The following NOP2 variants were observed in gnomAD, a reference collection of about 807,000 sequenced individuals.
NOP2 encodes NOP2 nucleolar protein, also known as 28S rRNA (cytosine(4447)-C(5))-methyltransferase.
A neutral mutation model predicts 72.7 loss-of-function variants in NOP2; 7 were observed. The ratio of observed to expected loss-of-function variants is 0.10; its 90% CI spans 0.05 to 0.18. The LOEUF is 0.18. NOP2 is among the 10% of genes least tolerant of loss of function. NOP2 has a pLI of 1.00. For missense variants in NOP2, 954 were observed against 1,014.7 expected (o/e 0.94, Z 0.81); for synonymous variants, 387 against 388.0 (o/e 1.00, Z 0.03).
chr12:6,563,935 A>T lies in NOP2; in HGVS notation c.486T>A (p.Ile162=). 6.2e-7 allele frequency: 1 copy of T among 1,613,442 alleles called. No homozygotes were observed. Among genetic ancestry groups the T allele is most frequent in the Non-Finnish European group, 8.5e-7 (1 of 1,179,654 alleles). Residue 162 remains isoleucine, a synonymous_variant, in exon 6 of 16, where the codon ATT becomes ATA. Transcript: ENST00000322166. ...DEEEGEALLP[I]ERAARKQKAR... ...CCTTCTGCTTCCGAGCAGCTCTTTC[A>T]ATGGGCAGCAACTGAAGAGAGACAA...
Position 6,566,526 on chromosome 12 carries a change from G to C in NOP2, c.238+3C>G. 2 of 1,613,698 alleles carry C rather than the reference G, an allele frequency of 1.2e-6. No individual in the cohort carries two copies. The highest frequency in any genetic ancestry group is 4.5e-5 in the East Asian group (2 of 44,892). On this transcript the variant is annotated splice_donor_region_variant and intron_variant, in intron 4 of 15. Coordinates refer to ENST00000322166, the MANE Select transcript of NOP2 (RefSeq NM_001258308.2). The stretch of plus-strand genomic sequence containing the variant: ...GTAGCATCCAGCTCTTAGTTTCACG[G>C]ACCTTTTGGTAGCTTTCCAGGCAAT...
At position 6,563,723 on chromosome 12, in the gene NOP2, T is replaced by C; in HGVS notation, c.579A>G (p.Glu193=). 6.2e-7 allele frequency: 1 copy of C among 1,613,502 alleles called. No individual in the cohort carries two copies. ...EETEDEEEEK[E]VTPESGPPKV... The stretch of plus-strand genomic sequence containing the variant: ...TTGGGGGGCCTGACTCAGGGGTCAC[T>C]TCTTTCTCTTCCTCCTCGTCCTCGG... Residue 193 remains glutamate (E), a synonymous_variant, in exon 7 of 16, where the codon GAA becomes GAG. Coordinates refer to ENST00000322166, the MANE Select transcript of NOP2 (RefSeq NM_001258308.2).
Position 6,563,189 on chromosome 12 carries a change from G to A in NOP2, c.889-19C>T. 6.4e-7 allele frequency: 1 copy of A among 1,571,890 alleles called. No individual in the cohort carries two copies. Among genetic ancestry groups the A allele is most frequent in the Non-Finnish European group, 8.6e-7 (1 of 1,158,650 alleles). Reference sequence around the variant, plus strand: ...CCACCAGCTGCGGGGCAAGACAGCAGGGAATAAGTGAGGCTGGCTAAGGAG... The same window carrying A: ...CCACCAGCTGCGGGGCAAGACAGCAAGGAATAAGTGAGGCTGGCTAAGGAG... On this transcript the variant is annotated intron_variant, in intron 8 of 15. Transcript: ENST00000322166.
chr12:6,558,272 G>GT (rs574205837), intron 15 of NOP2: 4,888 of 245,258 alleles, frequency 0.02, 2 homozygotes, highest in South Asian at 0.052. Context: ...GGGTTTTGGG[G>GT]TTTTTTTTTT....
chr12:6,565,943 T>G (rs1179441782), intron 5 of NOP2, among the ~76,000 whole-genome samples, 158 bp downstream of exon 5: 1 of 151,918 alleles, frequency 6.6e-6, no homozygotes, highest in Admixed American at 6.6e-5. Flanking sequence ...TGTAGTGCAC[T>G]GGGAGGATAT....
rs374644294 is a variant in NOP2, at chr12:6,563,746, C to T, written c.556G>A (p.Glu186Lys). 5.6e-6 allele frequency: 9 copies of T among 1,613,120 alleles called. No individual in the cohort carries two copies. The highest frequency in any genetic ancestry group is 5.3e-5 in the African/African-American group (4 of 74,894). The change falls in exon 7 of 16, where the codon GAG becomes AAG. Residue 186 changes from glutamate to lysine, a missense_variant. Coordinates refer to ENST00000322166, the MANE Select transcript of NOP2 (RefSeq NM_001258308.2). ...AGIQWSEEET[E>K]DEEEEKEVTP... ...ACTTCTTTCTCTTCCTCCTCGTCCT[C>T]GGTCTCCTCTTCACTCCACTGGATC... is the stretch of plus-strand genomic sequence containing the variant.
chr12:6,563,511 G>A lies in NOP2; in HGVS notation c.692C>T (p.Ala231Val). 6.2e-7 allele frequency: 1 copy of A among 1,612,540 alleles called. No homozygotes were observed. The highest frequency in any genetic ancestry group is 1.1e-5 in the South Asian group (1 of 90,756). ...LPPAGEMEQD[A>V]QAPDLQRVHK... Reference sequence around the variant, plus strand: ...AACTCGTTGCAGGTCTGGAGCCTGGGCATGTGGGCCTGTTAAGGAACTGTG... The same window carrying A: ...AACTCGTTGCAGGTCTGGAGCCTGGACATGTGGGCCTGTTAAGGAACTGTG... Residue 231 changes from alanine to valine, a missense_variant, in exon 8 of 16, where the codon GCC becomes GTC. By Grantham distance (64) the Ala-to-Val change is moderately conservative. Coordinates refer to ENST00000322166, the MANE Select transcript of NOP2 (RefSeq NM_001258308.2).
At chr12:6,566,469 T>C in intron 4 of NOP2, 60 bp downstream of exon 4, 5 of 1,557,434 alleles carry the variant, frequency 3.2e-6, no homozygotes, top group Non-Finnish European at 4.4e-6. Flanking sequence ...TAGCGAGTTC[T>C]TCCCTACCCA....
rs373940731 is a variant in NOP2, at chr12:6,566,795, G to A, written c.131C>T (p.Ser44Phe). The change falls in exon 3 of 16, where the codon TCT (serine) becomes TTT (phenylalanine). Residue 44 changes from serine to phenylalanine, a missense_variant. This residue lies in a region of NOP2 where 498 missense variants were observed against 478.3 expected (regional missense o/e 1.04). Coordinates refer to ENST00000322166, the MANE Select transcript of NOP2 (RefSeq NM_001258308.2). ...AVSDENSKRLSSRARKRAAKR... is the reference protein window; with the variant it reads ...AVSDENSKRLFSRARKRAAKR... ...CACTTACCTCTTTCGAGCACGACTA[G>A]ACAGCCTCTTGGAATTTTCGTCACT... The A allele has an allele frequency of 6.2e-7, 1 of 1,613,098 alleles. No individual in the cohort carries two copies. The highest frequency in any genetic ancestry group is 1.3e-5 in the African/African-American group (1 of 74,886).
Position 6,560,980 on chromosome 12 carries a change from C to G in NOP2, c.1298G>C (p.Gly433Ala), listed in dbSNP as rs1947633196. Residue 433 changes from glycine to alanine, a missense_variant, in exon 12 of 16, where the codon GGA (glycine) becomes GCA (alanine). This residue lies in a region of NOP2 where 187 missense variants were observed against 276.2 expected (regional missense o/e 0.68). Transcript: ENST00000322166. The surrounding 1 kb of genome is among the most constrained non-coding windows in gnomAD (Gnocchi z 5.0). The stretch of plus-strand genomic sequence containing the variant: ...GTGGCTGATAATGGTGTTGGTGACT[C>G]CCAGCCGATGCAAGTTGCCCACAAC... ...KSVVGNLHRL[G>A]VTNTIISHYD... is the part of the protein sequence containing the mutation. 6.2e-7 allele frequency: 1 copy of G among 1,613,826 alleles called. No homozygotes were observed. The highest frequency in any genetic ancestry group is 1.3e-5 in the African/African-American group (1 of 74,910).
rs1947712013 is a variant in NOP2, at chr12:6,563,872, A to G, written c.530+19T>C. 2.5e-6 allele frequency: 4 copies of G among 1,613,536 alleles called. No individual in the cohort carries two copies. Among genetic ancestry groups the G allele is most frequent in the African/African-American group, 2.7e-5 (2 of 74,862 alleles). On this transcript the variant is annotated intron_variant, in intron 6 of 15. Transcript: ENST00000322166. ...CCAGTGGCTTCCTATGCTCCATCCC[A>G]ATAGCTTCCAAAACTCACCCAGCAG...
chr12:6,567,608 T>G, intron 2 of NOP2: 1 of 473,762 alleles, frequency 2.1e-6, no homozygotes, highest in East Asian at 3.5e-5. Context: ...TTCCCTTGCA[T>G]GAATAATAGT....
rs772684032 is a variant in NOP2, at chr12:6,561,808, T to A, written c.1067-4A>T. 6.2e-7 allele frequency: 1 copy of A among 1,609,214 alleles called. No individual in the cohort carries two copies. The highest frequency in any genetic ancestry group is 1.1e-5 in the South Asian group (1 of 90,216). ...GCCAGGTACTCGGGGGTAGCACCTG[T>A]GGAGAAGGACCACCCTGTGACATGC... On this transcript the variant is annotated splice_polypyrimidine_tract_variant and splice_region_variant and intron_variant, in intron 10 of 15. Coordinates refer to ENST00000322166, the MANE Select transcript of NOP2 (RefSeq NM_001258308.2).
intron 5 of NOP2, among the ~76,000 whole-genome samples, chr12:6,565,050 C>T (rs1251037508): frequency 6.6e-6 from 1 of 152,108 alleles, no homozygotes; most frequent in Non-Finnish European, 1.5e-5. Context: ...AATACATCCA[C>T]ACACTAATTG....
At chr12:6,562,017 C>T in intron 9 of NOP2, 46 bp from the exon 10 acceptor site, 21 of 1,358,202 alleles carry the variant, frequency 1.5e-5, no homozygotes, top group Non-Finnish European at 2.2e-5. Context: ...GAGATGGAGT[C>T]TCACTCTGTT....
At chr12:6,566,886 G>A (rs1305212784) in intron 2 of NOP2, 64 bp from the exon 3 acceptor site, 2 of 1,328,826 alleles carry the variant, frequency 1.5e-6, no homozygotes, top group Non-Finnish European at 2.1e-6. Context: ...AATGGGAACG[G>A]AAATAAACAT....
rs769255969 is a variant in NOP2 at position 6,560,100 on chromosome 12, G to T, written c.1787C>A (p.Thr596Lys). 3 of 1,608,144 alleles carry T rather than the reference G, an allele frequency of 1.9e-6. No individual in the cohort carries two copies. Among genetic ancestry groups the T allele is most frequent in the Admixed American group, 1.7e-5 (1 of 60,014 alleles). The change falls in exon 15 of 16, where the codon ACA becomes AAA. Residue 596 changes from threonine (T) to lysine (K), a missense_variant and splice_region_variant. Transcript: ENST00000322166. The surrounding 1 kb of genome is among the most constrained non-coding windows in gnomAD (Gnocchi z 5.0). The part of the protein sequence containing the change: ...KFSNSIPQSQ[T>K]GNSETATPTN... Reference sequence around the variant, plus strand: ...AAGGGAAGAAAAAGATTACTTACCTGTCTGGGACTGAGGGATAGAATTGGA... The same window carrying T: ...AAGGGAAGAAAAAGATTACTTACCTTTCTGGGACTGAGGGATAGAATTGGA...
chr12:6,557,702 TTCTC>T, intron 15 of NOP2, 60 bp from the exon 16 acceptor site: 1 of 1,486,432 alleles, frequency 6.7e-7, no homozygotes, highest in Non-Finnish European at 9.0e-7. Context: ...TATTTTAATA[TTCTC>T]ATATTAAAAT....
At chr12:6,565,977 G>C in intron 5 of NOP2, 124 bp downstream of exon 5, 1 of 738,796 alleles carries the variant, frequency 1.4e-6, no homozygotes, top group Admixed American at 2.3e-5. Context: ...AACAGTGATG[G>C]AGCACAAAAA....
Sources: allele counts gnomAD v4.1 joint callset (sites outside exome capture counted in the v4.1 genomes callset), GRCh38; gene constraint gnomAD v4.1.1; regional missense constraint gnomAD v4.1.1; non-coding constraint Gnocchi (gnomAD v3.1); transcripts MANE v1.5; gene names NCBI Gene and HGNC (gene_info 2026-07-23, HGNC 2026-07-21).